The following CUL1 variants were observed in gnomAD, a reference collection of about 807,000 sequenced individuals.
CUL1 encodes the protein cullin-1.
CUL1 carries 24 observed loss-of-function variants against 118.0 expected under a neutral mutation model. The ratio of observed to expected loss-of-function variants is 0.20; its 90% CI spans 0.15 to 0.29. The LOEUF is 0.29. CUL1 is among the 10% of genes least tolerant of loss of function. CUL1 has a pLI of 1.00. For missense variants in CUL1, 361 were observed against 933.8 expected, an observed-to-expected ratio of 0.39 and a Z score of 7.99; for synonymous variants, 332 against 340.4, an observed-to-expected ratio of 0.98 and a Z score of 0.27.
chr7:148,706,399 G>A (rs1279267986), intron 1 of CUL1, among the ~76,000 whole-genome samples: 2 of 152,086 alleles, frequency 1.3e-5, no homozygotes, highest in African/African-American at 4.8e-5. Context: ...TGCAGTCCTG[G>A]TTGAGGATGG....
At chr7:148,797,702 ATTT>A (rs10559092) in intron 17 of CUL1, 107 bp from the exon 18 acceptor site, 40,281 of 659,754 alleles carry the variant, frequency 0.061, 396 homozygotes, top group Middle Eastern at 0.1. Flanking sequence ...CTTTTGGGTG[ATTT>A]TTTTTTTTTT....
intron 17 of CUL1, among the ~76,000 whole-genome samples, chr7:148,796,249 C>CT (rs770047364): frequency 6.6e-6 from 1 of 152,134 alleles, no homozygotes; most frequent in East Asian, 1.9e-4. Context: ...AAAATAACTG[C>CT]TTTTTTGTCT....
intron 2 of CUL1, 65 bp downstream of exon 2, chr7:148,730,327 A>G: frequency 6.8e-7 from 1 of 1,473,510 alleles, no homozygotes; most frequent in Non-Finnish European, 9.1e-7. Context: ...ATGACTTATG[A>G]ATTATTAGAA....
chr7:148,775,641 T>TA (rs1329310224), intron 9 of CUL1, among the ~76,000 whole-genome samples: 1 of 152,226 alleles, frequency 6.6e-6, no homozygotes, highest in African/African-American at 2.4e-5. Context: ...AAAAAGCTGA[T>TA]ATATGCTGAT....
intron 2 of CUL1, among the ~76,000 whole-genome samples, chr7:148,750,294 C>CTT (rs370284482): frequency 0.018 from 2,518 of 142,918 alleles, 71 homozygotes; most frequent in African/African-American, 0.06. Flanking sequence ...CCACCTAGGA[C>CTT]TTTTTTTTTT....
intron 1 of CUL1, among the ~76,000 whole-genome samples, chr7:148,705,935 T>C (rs1467643808): frequency 6.6e-6 from 1 of 152,176 alleles, no homozygotes; most frequent in Non-Finnish European, 1.5e-5. Flanking sequence ...TAACCCTTAG[T>C]CTAGGTTGAG....
chr7:148,748,754 G>A (rs967022128), intron 2 of CUL1, among the ~76,000 whole-genome samples: 1 of 152,162 alleles, frequency 6.6e-6, no homozygotes, highest in African/African-American at 2.4e-5. Flanking sequence ...TTATATACTT[G>A]GCAACAAGTC....
intron 16 of CUL1, among the ~76,000 whole-genome samples, chr7:148,791,083 G>T (rs1317749360): frequency 6.6e-6 from 1 of 152,178 alleles, no homozygotes; most frequent in Non-Finnish European, 1.5e-5. Context: ...CGCTTTGGGA[G>T]GCTGAGACCA....
rs75885195 is a variant in CUL1, at chr7:148,763,910, C to T, written c.790-2651C>T. Among the ~76,000 whole-genome samples the T allele has an allele frequency of 4.4e-3, 670 of 152,294 alleles. 8 individuals are homozygous for T. Among genetic ancestry groups the T allele is most frequent in the African/African-American group, 0.015 (625 of 41,560 alleles). ...TGAGAGCAGTTCAAATTCCCTGGGT[C>T]TGTGTTCACTTTTCTCTATTAGGAG... On this transcript the variant is annotated intron_variant, in intron 7 of 21. Transcript: ENST00000325222.
intron 9 of CUL1, among the ~76,000 whole-genome samples, chr7:148,774,870 G>A (rs1320969686): frequency 1.3e-5 from 2 of 152,192 alleles, no homozygotes; most frequent in Non-Finnish European, 2.9e-5. Flanking sequence ...AACAGGAGAG[G>A]TTTTCAGAAG....
At chr7:148,718,856 G>A (rs899831536) in intron 1 of CUL1, among the ~76,000 whole-genome samples, 1 of 152,148 alleles carries the variant, frequency 6.6e-6, no homozygotes, top group Admixed American at 6.5e-5. Flanking sequence ...GGCAATGCAA[G>A]CATATGTGAT....
At position 148,759,660 on chromosome 7, in the gene CUL1, T is replaced by A. The variant is rs752450774; in HGVS notation, c.625+22T>A. On this transcript the variant is annotated intron_variant, in intron 6 of 21. Transcript: ENST00000325222. The stretch of plus-strand genomic sequence containing the variant: ...TACGGTAAATAATTTCCCTTTAGTT[T>A]ATTCAAAGTTTTCACATCAAATGGC... 2.8e-6 allele frequency: 4 copies of A among 1,430,712 alleles called. No individual in the cohort carries two copies. In the Admixed American group the frequency reaches 8.4e-5, roughly 30 times the overall value. The allele number at this position is 1,430,712 out of a possible 1,614,324, so 88.6% of individuals were successfully genotyped here. A position where few individuals can be genotyped will look rare whatever the true frequency, so the allele number is the denominator to read the frequency against.
At chr7:148,779,183 G>T (rs563051154) in intron 9 of CUL1, among the ~76,000 whole-genome samples, 1 of 152,326 alleles carries the variant, frequency 6.6e-6, no homozygotes, top group East Asian at 1.9e-4. Flanking sequence ...TAGTGGAAAT[G>T]TATGGAATAA....
chr7:148,738,958 G>C (rs369004614), intron 2 of CUL1, among the ~76,000 whole-genome samples: 24 of 152,266 alleles, frequency 1.6e-4, no homozygotes, highest in African/African-American at 4.6e-4. Context: ...GTGGCATTGT[G>C]GGGGGCGGTG....
At chr7:148,720,547 A>C (rs1462045213) in intron 1 of CUL1, among the ~76,000 whole-genome samples, 1 of 152,164 alleles carries the variant, frequency 6.6e-6, no homozygotes, top group Non-Finnish European at 1.5e-5. Context: ...AGGAAAAGTG[A>C]GATTGCACGC....
chr7:148,773,230 A>G (rs1800278366), intron 9 of CUL1, among the ~76,000 whole-genome samples: 2 of 152,044 alleles, frequency 1.3e-5, no homozygotes, highest in African/African-American at 4.8e-5. Context: ...AAATCCTCTA[A>G]TTAGCCCACA....
chr7:148,710,211 T>C (rs973788677), intron 1 of CUL1, among the ~76,000 whole-genome samples: 6 of 152,094 alleles, frequency 3.9e-5, no homozygotes, highest in Non-Finnish European at 8.8e-5. Context: ...GTACAGACCA[T>C]GAGGGAAATT....
At chr7:148,735,306 G>A (rs749814492) in intron 2 of CUL1, among the ~76,000 whole-genome samples, 5 of 152,204 alleles carry the variant, frequency 3.3e-5, no homozygotes, top group African/African-American at 7.2e-5. Context: ...CAGGGACACC[G>A]TGCCAGGACA....
chr7:148,750,635 CT>C (rs1258902412), intron 2 of CUL1, among the ~76,000 whole-genome samples: 1 of 152,088 alleles, frequency 6.6e-6, no homozygotes, highest in African/African-American at 2.4e-5. Context: ...TGAACTCATC[CT>C]TTTTTATGGC....
Sources: gnomAD v4.1 joint callset for allele counts (sites outside exome capture counted in the v4.1 genomes callset) on GRCh38, gnomAD v4.1.1 for gene constraint, MANE v1.5 for transcripts, NCBI Gene and HGNC (gene_info 2026-07-23, HGNC 2026-07-21) for gene names.